The following HRH1 variants were observed in gnomAD, a reference collection of about 807,000 sequenced individuals.
HRH1 encodes the protein histamine H1 receptor.
HRH1 carries 6 observed loss-of-function variants against 10.3 expected under a neutral mutation model. The observed-to-expected ratio is 0.58, with a 90% CI of 0.32 to 1.15. The LOEUF is 1.15. HRH1 is among the 50% of genes most tolerant of loss of function. HRH1 has a pLI of 0.05. For synonymous variants in HRH1, 242 were observed against 236.7 expected (o/e 1.02, Z -0.21); for missense variants, 514 against 615.3 (o/e 0.84, Z 1.74).
chr3:11,202,404 C>CAATCAATAAATA (rs369936784), intron 1 of HRH1, among the ~76,000 whole-genome samples: 24 of 140,576 alleles, frequency 1.7e-4, no homozygotes, highest in Non-Finnish European at 3.2e-4. Context: ...GACTCCATCT[C>CAATCAATAAATA]AATAAATAAA....
intron 1 of HRH1, among the ~76,000 whole-genome samples, chr3:11,173,966 A>G (rs1302052635): frequency 1.3e-5 from 2 of 152,214 alleles, no homozygotes; most frequent in Non-Finnish European, 2.9e-5. Context: ...ACCATGCCAG[A>G]ATTGTAGGGC....
chr3:11,251,578 C>G (rs1263664536), intron 1 of HRH1, among the ~76,000 whole-genome samples: 1 of 152,142 alleles, frequency 6.6e-6, no homozygotes, highest in Non-Finnish European at 1.5e-5. Context: ...AAAAAGGTGT[C>G]TTCCGGTTTG....
At chr3:11,166,554 C>T (rs746211275) in intron 1 of HRH1, among the ~76,000 whole-genome samples, 1 of 151,282 alleles carries the variant, frequency 6.6e-6, no homozygotes, top group Non-Finnish European at 1.5e-5. Flanking sequence ...CAGGCCCTGA[C>T]ATCTGCTGTC....
chr3:11,252,352 G>A (rs1003769419), intron 1 of HRH1, among the ~76,000 whole-genome samples: 2 of 152,178 alleles, frequency 1.3e-5, no homozygotes, highest in African/African-American at 4.8e-5. Flanking sequence ...TAAGACATGG[G>A]TTGAGAAAGC....
chr3:11,236,921 C>T (rs538271699), intron 1 of HRH1, among the ~76,000 whole-genome samples: 2 of 152,288 alleles, frequency 1.3e-5, no homozygotes, highest in African/African-American at 4.8e-5. Flanking sequence ...TTATAAATGC[C>T]GCATCTGCCT....
intron 1 of HRH1, among the ~76,000 whole-genome samples, chr3:11,199,081 A>G (rs1214647896): frequency 6.6e-6 from 1 of 151,988 alleles, no homozygotes; most frequent in Non-Finnish European, 1.5e-5. Context: ...ATTCCACCAC[A>G]TGTGGCTAAT....
intron 1 of HRH1, among the ~76,000 whole-genome samples, chr3:11,238,129 C>G (rs191745765): frequency 9.2e-5 from 14 of 152,232 alleles, no homozygotes; most frequent in African/African-American, 3.1e-4. Context: ...AAAATCCCAG[C>G]CTGTCACACC....
rs559617752 is a variant in HRH1 at position 11,172,249 on chromosome 3, A to G, written c.-36+17695A>G. Among the ~76,000 whole-genome samples, 30 of 152,334 alleles carry G rather than the reference A, an allele frequency of 2.0e-4. 1 individual carries two copies. In the South Asian group the frequency reaches 6.0e-3, roughly 30 times the overall value. On this transcript the variant is annotated intron_variant, in intron 1 of 1. Coordinates refer to ENST00000431010, the MANE Select transcript of HRH1 (RefSeq NM_001098212.2). ...CTCTGCCAGCGGTGAGGGAGTGGCA[A>G]TGAAAGTCTGGAGATCTCAGGGTGG...
chr3:11,179,882 C>A (rs909041985), intron 1 of HRH1, among the ~76,000 whole-genome samples: 5 of 151,644 alleles, frequency 3.3e-5, no homozygotes, highest in African/African-American at 1.2e-4. Context: ...GCAGTCCTCC[C>A]ACTTCAGCCT....
intron 1 of HRH1, among the ~76,000 whole-genome samples, chr3:11,166,306 G>A (rs1037693077): frequency 2.4e-4 from 36 of 152,062 alleles, no homozygotes; most frequent in African/African-American, 8.2e-4. Flanking sequence ...AGACAAGAAG[G>A]GGAGAAACGC....
At chr3:11,243,069 ACG>A (rs542252897) in intron 1 of HRH1, among the ~76,000 whole-genome samples, 7 of 152,150 alleles carry the variant, frequency 4.6e-5, no homozygotes, top group Non-Finnish European at 1.0e-4. Context: ...GCCTGCCACC[ACG>A]CCTGGCTAAT....
chr3:11,248,131 C>T (rs981876340), intron 1 of HRH1, among the ~76,000 whole-genome samples: 1 of 152,180 alleles, frequency 6.6e-6, no homozygotes, highest in Middle Eastern at 3.2e-3. Context: ...GGACTCCAAT[C>T]GTGACACAAA....
At chr3:11,160,613 T>G (rs60389827) in intron 1 of HRH1, among the ~76,000 whole-genome samples, 1 of 152,172 alleles carries the variant, frequency 6.6e-6, no homozygotes, top group Non-Finnish European at 1.5e-5. Context: ...CTTCCCCACC[T>G]TTCTTTCCTA....
intron 1 of HRH1, among the ~76,000 whole-genome samples, chr3:11,137,678 T>G (rs1418422682): frequency 6.6e-6 from 1 of 152,118 alleles, no homozygotes; most frequent in Non-Finnish European, 1.5e-5. Context: ...TGTTCTGGCT[T>G]GAGCGTCTGA....
chr3:11,173,844 G>C (rs1407365550), intron 1 of HRH1, among the ~76,000 whole-genome samples: 1 of 152,168 alleles, frequency 6.6e-6, no homozygotes, highest in African/African-American at 2.4e-5. Flanking sequence ...CAGTGTGTCT[G>C]AGCCAGGATT....
chr3:11,150,585 C>G (rs889661175), upstream of HRH1, among the ~76,000 whole-genome samples: 1 of 152,226 alleles, frequency 6.6e-6, no homozygotes. Flanking sequence ...TTGTGATTTT[C>G]CCATCTCCTC....
chr3:11,190,985 C>T (rs540991550), intron 1 of HRH1, among the ~76,000 whole-genome samples: 1 of 152,240 alleles, frequency 6.6e-6, no homozygotes, highest in South Asian at 2.1e-4. Flanking sequence ...AGGTAGCAGG[C>T]CAACCATCAC....
chr3:11,159,715 T>C (rs1481495988), intron 1 of HRH1, among the ~76,000 whole-genome samples: 8 of 152,264 alleles, frequency 5.3e-5, no homozygotes, highest in Non-Finnish European at 7.3e-5. Context: ...CACAAAATGA[T>C]GTGGGCAAGA....
chr3:11,205,534 T>C (rs1434079404), intron 1 of HRH1, among the ~76,000 whole-genome samples: 7 of 152,156 alleles, frequency 4.6e-5, no homozygotes, highest in Admixed American at 2.0e-4. Context: ...GAGGCTGAAA[T>C]TGAATTATGC....
Sources: allele counts gnomAD v4.1 joint callset (sites outside exome capture counted in the v4.1 genomes callset), GRCh38; gene constraint gnomAD v4.1.1; transcripts MANE v1.5; gene names NCBI Gene and HGNC (gene_info 2026-07-23, HGNC 2026-07-21).